ANO1: variants seen among roughly 807,000 people sequenced by gnomAD.
ANO1 encodes the protein anoctamin 1.
Under a neutral mutation model 124.0 loss-of-function variants are expected in ANO1, and 59 were observed. That is an observed-to-expected ratio of 0.48 (90% CI 0.39 to 0.59). The LOEUF (loss-of-function observed/expected upper bound fraction) is 0.59, where lower values mean the gene tolerates loss of function less well. Among genes scored for constraint, ANO1 ranks in the 20% least tolerant of loss-of-function variants. The pLI is 0.00. For missense variants in ANO1, 1,059 were observed against 1,328.0 expected, an observed-to-expected ratio of 0.80 and a Z score of 3.15; for synonymous variants, 529 against 532.0, an observed-to-expected ratio of 0.99 and a Z score of 0.08.
At position 70,093,763 on chromosome 11, in the gene ANO1, T is replaced by G. The variant is rs890814379; in HGVS notation, c.441+5679T>G. On this transcript the variant is annotated intron_variant, in intron 2 of 25. Transcript: ENST00000355303. ...ATCTGTTCGCCATCTTCATGGATGC[T>G]GCTTTTGAAAAGCAAGTGAGGGCGG... 4.4e-4 allele frequency among the ~76,000 whole-genome samples: 67 copies of G among 152,362 alleles called. 1 individual carries two copies. Among genetic ancestry groups the G allele is most frequent in the African/African-American group, 1.5e-3 (64 of 41,596 alleles).
chr11:70,035,272 G>A (rs1412444039), intron 1 of ANO1, among the ~76,000 whole-genome samples: 1 of 152,196 alleles, frequency 6.6e-6, no homozygotes, highest in African/African-American at 2.4e-5. Context: ...ATCAGCTGCC[G>A]ATGGCCAGCT....
intron 1 of ANO1, among the ~76,000 whole-genome samples, chr11:70,070,909 G>A (rs1653285475): frequency 6.6e-6 from 1 of 152,132 alleles, no homozygotes; most frequent in South Asian, 2.1e-4. Context: ...GCTCGTGGAG[G>A]GCATCTGCGT....
At chr11:70,028,764 C>T (rs1259850661) in intron 1 of ANO1, among the ~76,000 whole-genome samples, 1 of 152,124 alleles carries the variant, frequency 6.6e-6, no homozygotes, top group Admixed American at 6.6e-5. Flanking sequence ...GCCTCTCTGT[C>T]AAGCCAGATC....
At chr11:70,123,000 G>A (rs913307183) in intron 8 of ANO1, among the ~76,000 whole-genome samples, 9 of 152,322 alleles carry the variant, frequency 5.9e-5, no homozygotes, top group African/African-American at 1.7e-4. Flanking sequence ...CTAAGGAAAC[G>A]CACTGATGCA....
chr11:69,989,952 CTTG>C (rs571333438), intron 1 of ANO1, among the ~76,000 whole-genome samples: 42 of 152,244 alleles, frequency 2.8e-4, no homozygotes, highest in Admixed American at 1.6e-3. Context: ...AGGTTTACTA[CTTG>C]TTGTTTTGTT....
intron 1 of ANO1, among the ~76,000 whole-genome samples, chr11:70,048,389 C>CT (rs1258889485): frequency 6.6e-6 from 1 of 151,788 alleles, no homozygotes; most frequent in Non-Finnish European, 1.5e-5. Flanking sequence ...AGTTTCTATT[C>CT]TTTTTTTCCC....
chr11:70,049,396 C>T (rs552456874), intron 1 of ANO1, among the ~76,000 whole-genome samples: 83 of 152,176 alleles, frequency 5.5e-4, no homozygotes, highest in Non-Finnish European at 1.1e-3. Flanking sequence ...ATCTGTCAAA[C>T]GGGGATATGA....
the ANO1 span, among the ~76,000 whole-genome samples, chr11:69,979,934 C>A: frequency 1.3e-5 from 2 of 152,144 alleles, no homozygotes; most frequent in African/African-American, 2.4e-5. Context: ...CTGTGCCGTG[C>A]CGTGGTTCAG....
At position 70,147,447 on chromosome 11, in the gene ANO1, C is replaced by T. The variant is rs1283763677; in HGVS notation, c.1259-2263C>T. On this transcript the variant is annotated intron_variant, in intron 11 of 25. Coordinates refer to ENST00000355303, the MANE Select transcript of ANO1 (RefSeq NM_018043.7). ...CTCCTGCTGGGCCCCCTGTGGCCCTCCTCACCAGCCATGGTGCTCAGTGCG... is the reference window on the plus strand; with the variant it reads ...CTCCTGCTGGGCCCCCTGTGGCCCTTCTCACCAGCCATGGTGCTCAGTGCG... Among the ~76,000 whole-genome samples the T allele has an allele frequency of 5.9e-5, 9 of 152,310 alleles. No homozygotes were observed. In the South Asian group the frequency reaches 1.9e-3, roughly 32 times the overall value.
intron 1 of ANO1, among the ~76,000 whole-genome samples, chr11:70,058,553 T>C (rs1857493318): frequency 6.6e-6 from 1 of 152,140 alleles, no homozygotes; most frequent in African/African-American, 2.4e-5. Flanking sequence ...GCCTGGTGAA[T>C]TTTCTGTCTA....
intron 24 of ANO1, among the ~76,000 whole-genome samples, chr11:70,182,926 T>C (rs1417230117): frequency 6.6e-6 from 1 of 151,922 alleles, no homozygotes; most frequent in Non-Finnish European, 1.5e-5. Context: ...CTGAGCCACA[T>C]AGTGAGACCT....
chr11:70,087,608 C>A, intron 1 of ANO1, 144 bp from the exon 2 acceptor site: 1 of 725,658 alleles, frequency 1.4e-6, no homozygotes, highest in Non-Finnish European at 2.2e-6. Context: ...GGCCCTAGGA[C>A]AGTGCCTGGC....
the ANO1 span, among the ~76,000 whole-genome samples, chr11:69,977,856 C>T: frequency 6.6e-6 from 1 of 152,238 alleles, no homozygotes; most frequent in Admixed American, 6.5e-5. Context: ...TTCTCCTTCT[C>T]AGATTCCCTT....
At chr11:70,066,844 C>T (rs187797657) in intron 1 of ANO1, among the ~76,000 whole-genome samples, 99 of 152,252 alleles carry the variant, frequency 6.5e-4, no homozygotes, top group African/African-American at 2.4e-3. Flanking sequence ...GGACACTCTG[C>T]CCCGGCCTGG....
Position 70,163,636 on chromosome 11 carries a change from G to A in ANO1, c.1950+296G>A, listed in dbSNP as rs562991186. ...TGTGAGACTGAATATTTCTCTTCTG[G>A]TTAAGATGAATTAATGAGGGACGGG... On this transcript the variant is annotated intron_variant, in intron 19 of 25. Coordinates refer to ENST00000355303, the MANE Select transcript of ANO1 (RefSeq NM_018043.7). 6.8e-6 allele frequency: 4 copies of A among 592,244 alleles called. No individual in the cohort carries two copies. In the South Asian group the frequency reaches 8.6e-5, roughly 13 times the overall value. 36.7% of individuals were successfully genotyped at this position (592,244 alleles called of 1,614,324 possible). A position where few individuals can be genotyped will look rare whatever the true frequency, so the allele number is the denominator to read the frequency against.
At chr11:70,020,177 T>C (rs17160555) in intron 1 of ANO1, among the ~76,000 whole-genome samples, 10,013 of 152,218 alleles carry the variant, frequency 0.066, 423 homozygotes, top group East Asian at 0.11. Context: ...CATGGGGTAA[T>C]GAAAACATCC....
At chr11:69,980,346 A>G in the ANO1 span, among the ~76,000 whole-genome samples, 101,468 of 152,016 alleles carry the variant, frequency 0.67, 35,390 homozygotes, top group South Asian at 0.85. Context: ...TGTAGGGGCC[A>G]GGCATGGTGG....
intron 1 of ANO1, among the ~76,000 whole-genome samples, chr11:70,004,871 G>C (rs1856456177): frequency 6.6e-6 from 1 of 152,146 alleles, no homozygotes; most frequent in African/African-American, 2.4e-5. Context: ...CCAACACTTT[G>C]GGAGTCCCAG....
At chr11:70,110,856 C>T (rs1263209770) in intron 6 of ANO1, among the ~76,000 whole-genome samples, 1 of 152,260 alleles carries the variant, frequency 6.6e-6, no homozygotes, top group Admixed American at 6.5e-5. Flanking sequence ...CACACATGGC[C>T]CTGGCTTTCC....
Sources: allele counts gnomAD v4.1 joint callset (sites outside exome capture counted in the v4.1 genomes callset), GRCh38; gene constraint gnomAD v4.1.1; transcripts MANE v1.5; gene names NCBI Gene and HGNC (gene_info 2026-07-23, HGNC 2026-07-21).